Variants in JARID2 observed in about 807,000 individuals in gnomAD.
JARID2 encodes jumonji and AT-rich interaction domain containing 2, also known as protein Jumonji.
Under a neutral mutation model 125.6 loss-of-function variants are expected in JARID2, and 21 were observed. That is an observed-to-expected ratio of 0.17 (90% confidence interval 0.12 to 0.24). The LOEUF is 0.24. Among genes scored for constraint, JARID2 ranks in the 10% least tolerant of loss-of-function variants. JARID2 has a pLI of 1.00. For missense variants in JARID2, 1,303 were observed against 1,639.6 expected, an observed-to-expected ratio of 0.79 and a Z score of 3.55; for synonymous variants, 736 against 661.6, an observed-to-expected ratio of 1.11 and a Z score of -1.73.
At chr6:15,304,497 C>T (rs781718577) in intron 1 of JARID2, among the ~76,000 whole-genome samples, 3 of 152,132 alleles carry the variant, frequency 2.0e-5, no homozygotes, top group Admixed American at 2.0e-4. Context: ...TGGTTACAGT[C>T]CTTCTCTGAA....
chr6:15,420,400 A>T (rs76247990), intron 3 of JARID2, among the ~76,000 whole-genome samples: 1 of 39,372 alleles, frequency 2.5e-5, no homozygotes, highest in Non-Finnish European at 5.4e-5. Flanking sequence ...AAGACTCCAT[A>T]AAAAAAAAAA....
chr6:15,369,461 A>G (rs2127507650), intron 1 of JARID2: 1 of 268,690 alleles, frequency 3.7e-6, no homozygotes, highest in South Asian at 3.5e-5. Context: ...TGTGTCCTCT[A>G]TATTAAGCTG....
At chr6:15,300,133 A>G (rs936511100) in intron 1 of JARID2, among the ~76,000 whole-genome samples, 1 of 152,188 alleles carries the variant, frequency 6.6e-6, no homozygotes, top group Non-Finnish European at 1.5e-5. Context: ...GTGCTTCTTT[A>G]TCTCCTGCAT....
chr6:15,503,200 G>T (rs184446257), intron 8 of JARID2, among the ~76,000 whole-genome samples: 4 of 152,334 alleles, frequency 2.6e-5, no homozygotes, highest in Admixed American at 2.6e-4. Flanking sequence ...TGTGGCACCG[G>T]TGTCCTGGCT....
chr6:15,348,477 T>C (rs914763437), intron 1 of JARID2, among the ~76,000 whole-genome samples: 2 of 152,202 alleles, frequency 1.3e-5, no homozygotes, highest in African/African-American at 4.8e-5. Context: ...ATTTTTTAAA[T>C]TATATTTTAT....
chr6:15,499,032 C>T (rs1445781592), intron 7 of JARID2, among the ~76,000 whole-genome samples: 4 of 152,170 alleles, frequency 2.6e-5, no homozygotes, highest in Non-Finnish European at 5.9e-5. Context: ...TTTCTTTACC[C>T]TCGACTCCCT....
At chr6:15,401,153 G>A (rs942477882) in intron 2 of JARID2, 19 of 952,410 alleles carry the variant, frequency 2.0e-5, no homozygotes, top group Non-Finnish European at 2.5e-5. Context: ...ATGGCAAGGT[G>A]CTATATATAT....
At chr6:15,476,203 A>G (rs1769334839) in intron 5 of JARID2, among the ~76,000 whole-genome samples, 1 of 152,240 alleles carries the variant, frequency 6.6e-6, no homozygotes, top group African/African-American at 2.4e-5. Context: ...GGTTTGGCCA[A>G]TATTTTAATT....
In JARID2 at chr6:15,323,138, TGG is replaced by T. The variant is rs1762413165; in HGVS notation, c.46-50978_46-50977del. On this transcript the variant is annotated intron_variant, in intron 1 of 17. Transcript: ENST00000341776. ...CTGGCTGTTTTTCTTTTGCACTCTG[TGG>T]TACGAAACCTCTTAGCTCTGTGTGG... is the stretch of plus-strand genomic sequence containing the variant. Among the ~76,000 whole-genome samples the T allele has an allele frequency of 7.2e-5, 11 of 152,396 alleles. 1 individual carries two copies. Among genetic ancestry groups the T allele is most frequent in the African/African-American group, 2.6e-4 (11 of 41,600 alleles).
intron 3 of JARID2, among the ~76,000 whole-genome samples, chr6:15,416,248 C>G (rs1213264917): frequency 1.3e-5 from 2 of 151,468 alleles, no homozygotes; most frequent in African/African-American, 4.9e-5. Context: ...AGACGATGGG[C>G]GGCCAGGCAG....
At chr6:15,456,163 C>T (rs1277329457) in intron 4 of JARID2, among the ~76,000 whole-genome samples, 3 of 152,174 alleles carry the variant, frequency 2.0e-5, no homozygotes, top group African/African-American at 7.2e-5. Flanking sequence ...CTTGTGCGTG[C>T]ACTATCTTAT....
chr6:15,321,459 A>G (rs753366160), intron 1 of JARID2, among the ~76,000 whole-genome samples: 40 of 152,234 alleles, frequency 2.6e-4, no homozygotes, highest in Non-Finnish European at 3.5e-4. Flanking sequence ...AACCTTTTTG[A>G]TTGGGCCTTG....
chr6:15,512,576 G>C (rs1051376755), intron 14 of JARID2, among the ~76,000 whole-genome samples, 186 bp downstream of exon 14: 2 of 152,176 alleles, frequency 1.3e-5, no homozygotes, highest in African/African-American at 2.4e-5. Flanking sequence ...TTAGGGATTT[G>C]TTTGTATCAC....
intron 1 of JARID2, among the ~76,000 whole-genome samples, chr6:15,282,441 GTTGGT>G (rs1241882160): frequency 2.6e-5 from 4 of 151,816 alleles, no homozygotes; most frequent in African/African-American, 9.7e-5. Flanking sequence ...AGCCTTTTTC[GTTGGT>G]CTGTCAGCTG....
rs771764442 is a variant in JARID2 at position 15,508,420 on chromosome 6, A to G, written c.2812A>G (p.Ile938Val). The G allele has an allele frequency of 1.2e-6, 2 of 1,605,942 alleles. No homozygotes were observed. Among genetic ancestry groups the G allele is most frequent in the Non-Finnish European group, 8.5e-7 (1 of 1,172,588 alleles). The change falls in exon 12 of 18, where the codon ATT becomes GTT. Residue 938 changes from isoleucine to valine, a missense_variant. Physicochemically the swap from Ile to Val is conservative, Grantham distance 29. Coordinates refer to ENST00000341776, the MANE Select transcript of JARID2 (RefSeq NM_004973.4). ...TCGAGACCAAAATCACCTTCCATAC[A>G]TTGACTACTTACACACTGGTGCTGA... ...WSRDQNHLPY[I>V]DYLHTGADCI...
chr6:15,375,681 G>T (rs1344044290), intron 2 of JARID2, among the ~76,000 whole-genome samples: 1 of 152,196 alleles, frequency 6.6e-6, no homozygotes, highest in Non-Finnish European at 1.5e-5. Context: ...TATAGATCGT[G>T]TTTATTGTCA....
At chr6:15,327,028 C>G (rs1319793382) in intron 1 of JARID2, among the ~76,000 whole-genome samples, 2 of 152,184 alleles carry the variant, frequency 1.3e-5, no homozygotes, top group Non-Finnish European at 2.9e-5. Flanking sequence ...CCAAGTGCCA[C>G]AGCTTTTGAG....
intron 1 of JARID2, among the ~76,000 whole-genome samples, chr6:15,321,884 C>G (rs1020975331): frequency 9.9e-5 from 14 of 140,974 alleles, no homozygotes; most frequent in Admixed American, 2.9e-4. Flanking sequence ...ACTTCGCCTT[C>G]CGGGTTCAAG....
chr6:15,283,638 G>A (rs530683308), intron 1 of JARID2, among the ~76,000 whole-genome samples: 15 of 144,844 alleles, frequency 1.0e-4, no homozygotes, highest in East Asian at 4.2e-4. Flanking sequence ...CACCGTGCCC[G>A]GCCATTCTGA....
Sources: gnomAD v4.1 joint callset for allele counts (sites outside exome capture counted in the v4.1 genomes callset) on GRCh38, gnomAD v4.1.1 for gene constraint, MANE v1.5 for transcripts, NCBI Gene and HGNC (gene_info 2026-07-23, HGNC 2026-07-21) for gene names.